DENND5B: variants seen among roughly 807,000 people sequenced by gnomAD.
DENND5B encodes the protein DENN domain containing 5B, also known as DENN domain-containing protein 5B.
In DENND5B, 34 loss-of-function variants were observed where a neutral mutation model predicts 140.6. That is an observed-to-expected ratio of 0.24 (90% confidence interval 0.18 to 0.32). The LOEUF is 0.32. Among genes scored for constraint, DENND5B ranks in the 10% least tolerant of loss-of-function variants. DENND5B has a pLI of 1.00. For missense variants in DENND5B, 1,142 were observed against 1,560.2 expected (o/e 0.73, Z 4.52); for synonymous variants, 551 against 562.1 (o/e 0.98, Z 0.28).
chr12:31,451,172 T>C (rs1350251131), intron 5 of DENND5B, among the ~76,000 whole-genome samples: 4 of 152,204 alleles, frequency 2.6e-5, no homozygotes, highest in African/African-American at 9.7e-5. Context: ...AAATGATTTC[T>C]AGACTAAATA....
intron 2 of DENND5B, among the ~76,000 whole-genome samples, chr12:31,494,221 T>TACCTAC (rs3034051): frequency 0.014 from 1,462 of 106,340 alleles, 43 homozygotes; most frequent in African/African-American, 0.03. Context: ...CCTACCTACC[T>TACCTAC]CTACCTACCT....
At chr12:31,508,596 A>T (rs1947295046) in intron 1 of DENND5B, among the ~76,000 whole-genome samples, 2 of 152,236 alleles carry the variant, frequency 1.3e-5, no homozygotes, top group East Asian at 3.8e-4. Context: ...AGAATCAAAC[A>T]GAAGTCTCAT....
chr12:31,518,494 C>T (rs1947759865), intron 1 of DENND5B, among the ~76,000 whole-genome samples: 1 of 152,118 alleles, frequency 6.6e-6, no homozygotes, highest in African/African-American at 2.4e-5. Context: ...AGCATGTAAG[C>T]ATGAGGCACA....
intron 2 of DENND5B, among the ~76,000 whole-genome samples, chr12:31,495,158 C>A (rs571076688): frequency 6.6e-6 from 1 of 152,276 alleles, no homozygotes; most frequent in East Asian, 1.9e-4. Flanking sequence ...TGTAATCAGG[C>A]TCTTTCCATC....
intron 5 of DENND5B, 31 bp downstream of exon 5, chr12:31,451,909 A>G: frequency 6.2e-7 from 1 of 1,608,906 alleles, no homozygotes; most frequent in Non-Finnish European, 8.5e-7. Context: ...GCCACTAATA[A>G]CCACAAAAGG....
rs1944098967 is a variant in DENND5B, at chr12:31,442,879, G to A, written c.1908C>T (p.Ile636=). The A allele has an allele frequency of 6.2e-7, 1 of 1,605,586 alleles. No homozygotes were observed. ...TTTTCATATCAAGTAGATGTGGGTG[G>A]ATTGCAGTGTGATCCATTTTCATCA... ...QRLMKMDHTA[I]HPHLLDMKIG... is the part of the protein sequence containing the mutation. The change falls in exon 7 of 21, where the codon ATC becomes ATT. Residue 636 remains isoleucine (I), a synonymous_variant. Transcript: ENST00000389082.
intron 1 of DENND5B, among the ~76,000 whole-genome samples, chr12:31,562,794 CTT>C (rs923792814): frequency 7.2e-5 from 11 of 152,160 alleles, no homozygotes; most frequent in Admixed American, 7.2e-4. Context: ...TCTGTAATAA[CTT>C]TAATTACTTC....
chr12:31,459,043 T>C (rs1162951659), intron 4 of DENND5B, among the ~76,000 whole-genome samples: 2 of 151,784 alleles, frequency 1.3e-5, no homozygotes, highest in African/African-American at 4.8e-5. Context: ...AGAAAACCCG[T>C]CTCTACTAAA....
intron 1 of DENND5B, among the ~76,000 whole-genome samples, chr12:31,524,974 T>A (rs1948036178): frequency 6.6e-6 from 1 of 152,116 alleles, no homozygotes. Flanking sequence ...AATAGGCACA[T>A]GAAAAGATGC....
chr12:31,410,297 C>T (rs2137530758), intron 13 of DENND5B, among the ~76,000 whole-genome samples: 1 of 152,342 alleles, frequency 6.6e-6, no homozygotes, highest in African/African-American at 2.4e-5. Context: ...GCAAAGATTT[C>T]ATTAAACACT....
chr12:31,426,176 A>G (rs1943223373), intron 9 of DENND5B, 117 bp downstream of exon 9: 2 of 1,259,606 alleles, frequency 1.6e-6, no homozygotes, highest in Admixed American at 6.3e-5. Context: ...ATGCCACAGT[A>G]AAAGTTTTCT....
At chr12:31,566,126 C>A (rs1398925634) in intron 1 of DENND5B, among the ~76,000 whole-genome samples, 1 of 152,034 alleles carries the variant, frequency 6.6e-6, no homozygotes, top group Non-Finnish European at 1.5e-5. Flanking sequence ...GCCTGGGTGA[C>A]AGAAGTGAAA....
At chr12:31,414,918 T>C (rs1289684825) in intron 12 of DENND5B, among the ~76,000 whole-genome samples, 2 of 122,002 alleles carry the variant, frequency 1.6e-5, no homozygotes, top group African/African-American at 5.8e-5. Flanking sequence ...TGAGACGCCA[T>C]CTCAAAAAAA....
chr12:31,415,986 C>T (rs192540373), intron 11 of DENND5B, among the ~76,000 whole-genome samples: 83 of 152,120 alleles, frequency 5.5e-4, no homozygotes, highest in Non-Finnish European at 6.8e-4. Context: ...CAGGCATGCA[C>T]CACCACACCT....
At chr12:31,448,680 G>T (rs1285819408) in intron 5 of DENND5B, among the ~76,000 whole-genome samples, 1 of 152,148 alleles carries the variant, frequency 6.6e-6, no homozygotes, top group Non-Finnish European at 1.5e-5. Context: ...CCACACCTGT[G>T]CTGACACAAC....
In DENND5B at chr12:31,384,080, A is replaced by G. The variant is rs1428217125; in HGVS notation, c.*3523T>C. On this transcript the variant is annotated 3_prime_UTR_variant, in exon 21 of 21. Coordinates refer to ENST00000389082, the MANE Select transcript of DENND5B (RefSeq NM_144973.4). Reference sequence around the variant, plus strand: ...GCCTCTATGTGGGTATGGTCCTTCCAAAAGTCAGCTTAAAAGTCAAGCATT... The same window carrying G: ...GCCTCTATGTGGGTATGGTCCTTCCGAAAGTCAGCTTAAAAGTCAAGCATT... 1 of 152,184 alleles carries G rather than the reference A, an allele frequency of 6.6e-6. No individual in the cohort carries two copies. The highest frequency in any genetic ancestry group is 1.5e-5 in the Non-Finnish European group (1 of 68,036). 9.4% of individuals were successfully genotyped at this position (152,184 alleles called of 1,614,324 possible). A position where few individuals can be genotyped will look rare whatever the true frequency, so the allele number is the denominator to read the frequency against.
intron 1 of DENND5B, among the ~76,000 whole-genome samples, chr12:31,529,836 A>G (rs923925232): frequency 6.6e-6 from 1 of 152,148 alleles, no homozygotes; most frequent in South Asian, 2.1e-4. Context: ...AGTGATAAAA[A>G]CTGCTATAAT....
intron 1 of DENND5B, among the ~76,000 whole-genome samples, chr12:31,540,101 T>C (rs1948635735): frequency 6.6e-6 from 1 of 151,616 alleles, no homozygotes; most frequent in Non-Finnish European, 1.5e-5. Flanking sequence ...AAAAAAGAAA[T>C]CAAGAAAGTA....
intron 3 of DENND5B, chr12:31,478,106 A>G (rs1011276782): frequency 6.6e-6 from 1 of 152,228 alleles, no homozygotes; most frequent in African/African-American, 2.4e-5. Context: ...GTGAAAGAAG[A>G]AAGGAAAGAA....
Sources: gnomAD v4.1 joint callset for allele counts (sites outside exome capture counted in the v4.1 genomes callset) on GRCh38, gnomAD v4.1.1 for gene constraint, MANE v1.5 for transcripts, NCBI Gene and HGNC (gene_info 2026-07-23, HGNC 2026-07-21) for gene names.